Variants in TANGO6 observed in about 807,000 individuals in gnomAD.
TANGO6 encodes transport and golgi organization 6 homolog.
A neutral mutation model predicts 114.2 loss-of-function variants in TANGO6; 90 were observed. The observed-to-expected ratio is 0.79, with a 90% CI of 0.66 to 0.94. TANGO6 has a LOEUF of 0.94. TANGO6 is among the 40% of genes least tolerant of loss of function. The pLI, the probability that TANGO6 is intolerant of heterozygous loss-of-function variation, is 0.00. For synonymous variants in TANGO6, 477 were observed against 509.8 expected (o/e 0.94, Z 0.87); for missense variants, 1,274 against 1,315.3 (o/e 0.97, Z 0.49).
intron 12 of TANGO6, among the ~76,000 whole-genome samples, chr16:68,922,451 G>A (rs1026304689): frequency 7.2e-5 from 11 of 152,036 alleles, no homozygotes; most frequent in South Asian, 2.1e-4. Context: ...CAGGAGAATC[G>A]CTTGAACCCA....
chr16:68,938,529 A>C (rs1164008130), intron 14 of TANGO6, among the ~76,000 whole-genome samples: 1 of 151,990 alleles, frequency 6.6e-6, no homozygotes, highest in Non-Finnish European at 1.5e-5. Flanking sequence ...TGGTCTCTCA[A>C]CTCCATTTTA....
chr16:68,952,460 T>C (rs1298533774), intron 14 of TANGO6, among the ~76,000 whole-genome samples: 1 of 152,228 alleles, frequency 6.6e-6, no homozygotes, highest in Non-Finnish European at 1.5e-5. Flanking sequence ...TTAAAATTCC[T>C]AATCTCACCA....
At position 68,959,524 on chromosome 16, in the gene TANGO6, T is replaced by G. The variant is rs1963568969; in HGVS notation, c.2702-14504T>G. Among the ~76,000 whole-genome samples the G allele has an allele frequency of 2.6e-5, 4 of 151,962 alleles. No homozygotes were observed. In the South Asian group the frequency reaches 8.3e-4, roughly 32 times the overall value. ...ATTGCTTGAACCTGGGGGGTGGAGG[T>G]TGCAGTGAGCCAAGATCACGCCACT... On this transcript the variant is annotated intron_variant, in intron 14 of 17. Coordinates refer to ENST00000261778, the MANE Select transcript of TANGO6 (RefSeq NM_024562.2).
intron 12 of TANGO6, among the ~76,000 whole-genome samples, chr16:68,919,588 G>A (rs1963060766): frequency 1.3e-5 from 2 of 152,114 alleles, no homozygotes; most frequent in South Asian, 2.1e-4. Context: ...TCCTCAACTG[G>A]TTGCATAGGA....
At position 68,878,106 on chromosome 16, in the gene TANGO6, G is replaced by C. The variant is rs770899041; in HGVS notation, c.1132-12G>C. The C allele has an allele frequency of 6.3e-7, 1 of 1,599,902 alleles. No individual in the cohort carries two copies. The highest frequency in any genetic ancestry group is 1.7e-4 in the Middle Eastern group (1 of 6,006). The stretch of plus-strand genomic sequence containing the variant: ...AAAAAACTGGTATTTACTTCTTGTA[G>C]TTTTTTTGTAGGTTCTGGATTTATT... On this transcript the variant is annotated splice_polypyrimidine_tract_variant and intron_variant, in intron 5 of 17. Coordinates refer to ENST00000261778, the MANE Select transcript of TANGO6 (RefSeq NM_024562.2).
intron 4 of TANGO6, among the ~76,000 whole-genome samples, chr16:68,874,201 C>G (rs534224569): frequency 6.6e-6 from 1 of 152,222 alleles, no homozygotes; most frequent in Non-Finnish European, 1.5e-5. Flanking sequence ...TTCCTCCCTT[C>G]TGGTATTTTG....
At chr16:68,878,476 C>T (rs537396181) in intron 6 of TANGO6, among the ~76,000 whole-genome samples, 196 bp downstream of exon 6, 2 of 152,164 alleles carry the variant, frequency 1.3e-5, no homozygotes, top group South Asian at 2.1e-4. Flanking sequence ...TCACCTAGAC[C>T]GAATAACTTT....
intron 1 of TANGO6, among the ~76,000 whole-genome samples, chr16:68,851,147 G>A (rs189409872): frequency 7.2e-4 from 109 of 151,370 alleles, no homozygotes; most frequent in Middle Eastern, 6.8e-3. Flanking sequence ...TTTTTTCTGC[G>A]TCTTTTAATT....
At chr16:68,878,601 C>T (rs1274623630) in intron 6 of TANGO6, among the ~76,000 whole-genome samples, 1 of 150,660 alleles carries the variant, frequency 6.6e-6, no homozygotes, top group East Asian at 2.0e-4. Context: ...CTAAATACTA[C>T]AGTATGCATC....
At chr16:69,004,678 G>A (rs113216771) in intron 15 of TANGO6, among the ~76,000 whole-genome samples, 16 of 152,144 alleles carry the variant, frequency 1.1e-4, no homozygotes, top group African/African-American at 3.4e-4. Flanking sequence ...TGACAAAATC[G>A]GGACTTGTCC....
At chr16:68,939,015 T>C (rs539047397) in intron 14 of TANGO6, among the ~76,000 whole-genome samples, 40 of 137,372 alleles carry the variant, frequency 2.9e-4, no homozygotes, top group African/African-American at 1.1e-3. Flanking sequence ...AAGGCTGCAG[T>C]GAGTTATGAT....
chr16:68,880,287 A>G (rs1247870344), intron 6 of TANGO6, among the ~76,000 whole-genome samples: 1 of 152,110 alleles, frequency 6.6e-6, no homozygotes, highest in Non-Finnish European at 1.5e-5. Flanking sequence ...TGAAAATTCT[A>G]AGTGATAATG....
chr16:68,878,282 T>A lies in TANGO6; in HGVS notation c.1294+2T>A. On this transcript the variant is annotated splice_donor_variant, in intron 6 of 17. Coordinates refer to ENST00000261778, the MANE Select transcript of TANGO6 (RefSeq NM_024562.2). LOFTEE classifies it high-confidence loss of function. ...TTCATCGATGTTTGAATACAGCAGGTAAAGGAGGAAGTGTGGTGGCTGTGT... is the reference window on the plus strand; with the variant it reads ...TTCATCGATGTTTGAATACAGCAGGAAAAGGAGGAAGTGTGGTGGCTGTGT... 1 of 1,593,754 alleles carries A rather than the reference T, an allele frequency of 6.3e-7. No homozygotes were observed. The highest frequency in any genetic ancestry group is 8.5e-7 in the Non-Finnish European group (1 of 1,171,330).
chr16:68,984,455 A>G (rs1963872317), intron 15 of TANGO6, among the ~76,000 whole-genome samples: 1 of 151,674 alleles, frequency 6.6e-6, no homozygotes, highest in Admixed American at 6.6e-5. Flanking sequence ...ATAACTTATT[A>G]CTGATATAAT....
intron 14 of TANGO6, among the ~76,000 whole-genome samples, chr16:68,964,973 A>G (rs1963630677): frequency 6.6e-6 from 1 of 152,120 alleles, no homozygotes; most frequent in African/African-American, 2.4e-5. Flanking sequence ...TCTATTACGA[A>G]TAGTGCTACA....
At chr16:69,043,512 A>G (rs539029998) in intron 17 of TANGO6, among the ~76,000 whole-genome samples, 1 of 152,256 alleles carries the variant, frequency 6.6e-6, no homozygotes, top group East Asian at 1.9e-4. Flanking sequence ...CTGTTCTCCA[A>G]ACTGTCTCTA....
chr16:69,061,784 C>T (rs2152240323), intron 17 of TANGO6, among the ~76,000 whole-genome samples: 1 of 152,124 alleles, frequency 6.6e-6, no homozygotes, highest in South Asian at 2.1e-4. Flanking sequence ...CTTTGGGAGG[C>T]CGAGGCGGGC....
intron 17 of TANGO6, among the ~76,000 whole-genome samples, chr16:69,046,285 T>C (rs912772889): frequency 2.6e-5 from 4 of 151,338 alleles, no homozygotes; most frequent in Non-Finnish European, 5.9e-5. Context: ...AAGACGAACC[T>C]CAAGGTAATC....
At chr16:68,983,727 G>A (rs9673950) in intron 15 of TANGO6, among the ~76,000 whole-genome samples, 4,066 of 152,044 alleles carry the variant, frequency 0.027, 170 homozygotes, top group African/African-American at 0.092. Context: ...CAACAGGTCC[G>A]TTTTTGAAAA....
Sources: gnomAD v4.1 joint callset for allele counts (sites outside exome capture counted in the v4.1 genomes callset) on GRCh38, gnomAD v4.1.1 for gene constraint, MANE v1.5 for transcripts, NCBI Gene and HGNC (gene_info 2026-07-23, HGNC 2026-07-21) for gene names.